LSAMP: variants seen among roughly 807,000 people sequenced by gnomAD.
LSAMP encodes the protein limbic system associated membrane protein, also known as limbic system-associated membrane protein.
A neutral mutation model predicts 38.6 loss-of-function variants in LSAMP; 7 were observed. The ratio of observed to expected loss-of-function variants is 0.18; its 90% confidence interval spans 0.10 to 0.34. The LOEUF (loss-of-function observed/expected upper bound fraction) is 0.34, where lower values mean the gene tolerates loss of function less well. Among genes scored for constraint, LSAMP ranks in the 10% least tolerant of loss-of-function variants. LSAMP has a pLI of 1.00. For missense variants in LSAMP, 313 were observed against 420.0 expected, an observed-to-expected ratio of 0.75 and a Z score of 2.23; for synonymous variants, 154 against 166.8, an observed-to-expected ratio of 0.92 and a Z score of 0.59.
chr3:116,118,592 A>G (rs558293898), intron 1 of LSAMP, among the ~76,000 whole-genome samples: 17 of 152,292 alleles, frequency 1.1e-4, no homozygotes, highest in Middle Eastern at 3.4e-3. Flanking sequence ...AGGGAGCAAA[A>G]TTGGATGTGT....
At chr3:116,425,508 AT>A (rs527643193) in intron 1 of LSAMP, among the ~76,000 whole-genome samples, 1 of 152,150 alleles carries the variant, frequency 6.6e-6, no homozygotes, top group African/African-American at 2.4e-5. Context: ...TAGAAAAGTC[AT>A]TTTTTCTTGG....
intron 1 of LSAMP, among the ~76,000 whole-genome samples, chr3:116,162,363 G>T (rs1709908393): frequency 1.3e-5 from 2 of 152,054 alleles, no homozygotes; most frequent in African/African-American, 2.4e-5. Flanking sequence ...ACCAGTTCTG[G>T]CCAGAAAACA....
intron 1 of LSAMP, among the ~76,000 whole-genome samples, chr3:116,124,841 A>C (rs1174534211): frequency 6.6e-6 from 1 of 152,218 alleles, no homozygotes; most frequent in Non-Finnish European, 1.5e-5. Context: ...TTTATAAGAA[A>C]TATTCATTTT....
At chr3:115,900,233 A>T (rs536048474) in intron 3 of LSAMP, among the ~76,000 whole-genome samples, 1 of 152,242 alleles carries the variant, frequency 6.6e-6, no homozygotes, top group East Asian at 1.9e-4. Context: ...TTGCTATTTC[A>T]GCTGGGCGTG....
intron 3 of LSAMP, among the ~76,000 whole-genome samples, chr3:115,934,182 A>AT (rs1481743740): frequency 1.3e-3 from 26 of 20,698 alleles, no homozygotes; most frequent in Middle Eastern, 0.036. Context: ...TTATTATTTT[A>AT]TTTTATTTTT....
At chr3:116,238,627 T>G (rs903520985) in intron 1 of LSAMP, among the ~76,000 whole-genome samples, 3 of 152,140 alleles carry the variant, frequency 2.0e-5, no homozygotes, top group Non-Finnish European at 4.4e-5. Flanking sequence ...ACAAAGCCTA[T>G]TTCATCATGG....
intron 1 of LSAMP, among the ~76,000 whole-genome samples, chr3:116,377,308 T>C (rs1349643000): frequency 6.6e-6 from 1 of 152,004 alleles, no homozygotes; most frequent in East Asian, 1.9e-4. Flanking sequence ...CAGCTCCCAC[T>C]TATAAGTGAG....
chr3:115,831,406 G>C (rs1007878472), intron 6 of LSAMP, among the ~76,000 whole-genome samples: 1 of 152,138 alleles, frequency 6.6e-6, no homozygotes, highest in Non-Finnish European at 1.5e-5. Context: ...TAAACAAAAC[G>C]GTTGTTTGCC....
rs181409877 is a variant in LSAMP, at chr3:115,869,462, A to C, written c.515-16845T>G. On this transcript the variant is annotated intron_variant, in intron 3 of 6. Transcript: ENST00000490035. ...AGCACTAGGCTGGGGAGATAAAACAAGGCATAGTTAGACAATACTAAAAAG... is the reference window on the plus strand; with the variant it reads ...AGCACTAGGCTGGGGAGATAAAACACGGCATAGTTAGACAATACTAAAAAG... Among the ~76,000 whole-genome samples the C allele has an allele frequency of 4.6e-5, 7 of 152,296 alleles. No individual in the cohort carries two copies. In the East Asian group the frequency reaches 1.4e-3, roughly 29 times the overall value.
intron 1 of LSAMP, among the ~76,000 whole-genome samples, chr3:116,339,154 A>C (rs1200578141): frequency 1.3e-5 from 2 of 152,070 alleles, no homozygotes; most frequent in African/African-American, 4.8e-5. Flanking sequence ...TTTACCAGGC[A>C]GGCTTTTGAT....
chr3:115,821,702 G>A (rs908863352), intron 6 of LSAMP, among the ~76,000 whole-genome samples: 2 of 152,174 alleles, frequency 1.3e-5, no homozygotes, highest in Non-Finnish European at 2.9e-5. Context: ...AGTGGGACAG[G>A]AAAAGGTCCA....
intron 3 of LSAMP, among the ~76,000 whole-genome samples, chr3:115,862,400 A>C (rs1935731751): frequency 6.6e-6 from 1 of 152,206 alleles, no homozygotes; most frequent in African/African-American, 2.4e-5. Flanking sequence ...AATTAAAACA[A>C]AGCAGACAAT....
chr3:116,027,686 T>C (rs947301269), intron 2 of LSAMP, among the ~76,000 whole-genome samples: 1 of 152,148 alleles, frequency 6.6e-6, no homozygotes, highest in African/African-American at 2.4e-5. Context: ...GTCAGTTTGG[T>C]TGCTTTAAAA....
rs1205523543 is a variant in LSAMP, at chr3:115,807,419, T to C, written c.*2898A>G. 2 of 152,186 alleles carry C rather than the reference T, an allele frequency of 1.3e-5. No homozygotes were observed. Among genetic ancestry groups the C allele is most frequent in the African/African-American group, 4.8e-5 (2 of 41,438 alleles). The allele number at this position is 152,186 out of a possible 1,614,324, so 9.4% of individuals were successfully genotyped here. ...AATATATGTTTAATTATGTTTAATA[T>C]ATGGTCCATTATATTAAAACTGAGG... On this transcript the variant is annotated 3_prime_UTR_variant, in exon 7 of 7. Coordinates refer to ENST00000490035, the MANE Select transcript of LSAMP (RefSeq NM_002338.5).
chr3:116,147,796 G>T (rs1709523148), intron 1 of LSAMP, among the ~76,000 whole-genome samples: 1 of 151,922 alleles, frequency 6.6e-6, no homozygotes, highest in African/African-American at 2.4e-5. Flanking sequence ...ACTTAAGTTA[G>T]TCAGATGGTG....
chr3:116,271,010 T>G (rs1252081287), intron 1 of LSAMP, among the ~76,000 whole-genome samples: 1 of 152,044 alleles, frequency 6.6e-6, no homozygotes, highest in Non-Finnish European at 1.5e-5. Context: ...ATAAGTAACA[T>G]GCTAGAAGTG....
rs2107452371 is a variant in LSAMP, at chr3:115,813,798, C to T, written c.920-3384G>A. The stretch of plus-strand genomic sequence containing the variant: ...CAGCAAAATCATTAATTATGTTTTA[C>T]TTCAGAGTTATGAAATTTCTGCTTA... On this transcript the variant is annotated intron_variant, in intron 6 of 6. Coordinates refer to ENST00000490035, the MANE Select transcript of LSAMP (RefSeq NM_002338.5). Among the ~76,000 whole-genome samples the T allele has an allele frequency of 1.3e-5, 2 of 152,270 alleles. 1 individual carries two copies. Among genetic ancestry groups the T allele is most frequent in the Middle Eastern group, 6.8e-3 (2 of 294 alleles).
intron 4 of LSAMP, among the ~76,000 whole-genome samples, chr3:115,850,357 T>C (rs1935290810): frequency 6.6e-6 from 1 of 152,140 alleles, no homozygotes; most frequent in South Asian, 2.1e-4. Flanking sequence ...CGATTGGACT[T>C]TCAGAAATCT....
At chr3:115,881,594 GTGTTC>G (rs754663065) in intron 3 of LSAMP, among the ~76,000 whole-genome samples, 22 of 152,260 alleles carry the variant, frequency 1.4e-4, no homozygotes, top group Middle Eastern at 3.4e-3. Context: ...TTGACTGGTT[GTGTTC>G]TTGGACTTGG....
Sources: gnomAD v4.1 joint callset for allele counts (sites outside exome capture counted in the v4.1 genomes callset) on GRCh38, gnomAD v4.1.1 for gene constraint, MANE v1.5 for transcripts, NCBI Gene and HGNC (gene_info 2026-07-23, HGNC 2026-07-21) for gene names.